The following IARS2 variants were observed in gnomAD, a reference collection of about 807,000 sequenced individuals.
The protein encoded by IARS2 is isoleucyl-tRNA synthetase 2, mitochondrial.
Under a neutral mutation model 126.3 loss-of-function variants are expected in IARS2, and 56 were observed. That is an observed-to-expected ratio of 0.44 (90% CI 0.36 to 0.55). The LOEUF (loss-of-function observed/expected upper bound fraction) is 0.55, where lower values mean the gene tolerates loss of function less well. Ranked by LOEUF, IARS2 falls within the 20% of genes least tolerant of loss-of-function variation. IARS2 has a pLI of 0.00. For missense variants in IARS2, 1,127 were observed against 1,245.9 expected (o/e 0.90, Z 1.44); for synonymous variants, 407 against 441.1 (o/e 0.92, Z 0.97).
intron 19 of IARS2, among the ~76,000 whole-genome samples, chr1:220,141,553 A>G (rs1361530159): frequency 6.6e-6 from 1 of 152,246 alleles, no homozygotes; most frequent in Non-Finnish European, 1.5e-5. Context: ...CCTTTAATAC[A>G]GTAGTCTAGA....
intron 20 of IARS2, 102 bp downstream of exon 20, chr1:220,142,050 G>A: frequency 9.3e-7 from 1 of 1,077,036 alleles, no homozygotes; most frequent in Non-Finnish European, 1.4e-6. Context: ...TCCATTTACA[G>A]TGACTGCTGT....
intron 14 of IARS2, among the ~76,000 whole-genome samples, chr1:220,128,712 T>G (rs190212928): frequency 6.6e-5 from 10 of 152,312 alleles, no homozygotes; most frequent in African/African-American, 2.4e-4. Flanking sequence ...ATAGTGTATT[T>G]CAAAGTGTAT....
intron 12 of IARS2, among the ~76,000 whole-genome samples, chr1:220,116,602 A>G (rs1360952287): frequency 2.6e-5 from 4 of 152,102 alleles, no homozygotes; most frequent in Admixed American, 2.0e-4. Context: ...AGCTATTTCA[A>G]TATTATTATA....
At chr1:220,118,009 T>C (rs1656962978) in intron 12 of IARS2, 1 of 437,304 alleles carries the variant, frequency 2.3e-6, no homozygotes, top group Non-Finnish European at 4.6e-6. Context: ...GTTACAAAAC[T>C]TGAATTTAAG....
At chr1:220,125,877 C>A (rs543815631) in intron 13 of IARS2, among the ~76,000 whole-genome samples, 1 of 151,728 alleles carries the variant, frequency 6.6e-6, no homozygotes, top group African/African-American at 2.4e-5. Flanking sequence ...GAGGCCGAGG[C>A]GGGCAGATCA....
intron 11 of IARS2, 36 bp downstream of exon 11, chr1:220,110,973 A>G (rs750974051): frequency 6.2e-7 from 1 of 1,601,732 alleles, no homozygotes; most frequent in South Asian, 1.1e-5. Context: ...GGTCGGGCAT[A>G]TCATTCCCTC....
At chr1:220,112,555 CTTTTTTTTTTTT>C (rs750583631) in intron 11 of IARS2, among the ~76,000 whole-genome samples, 3 of 116,110 alleles carry the variant, frequency 2.6e-5, no homozygotes, top group South Asian at 5.6e-4. Context: ...AAGATAAGCT[CTTTTTTTTTTTT>C]TTTTTTTTTG....
chr1:220,105,889 A>C lies in IARS2; in HGVS notation c.1067-2A>C. 1 of 1,613,420 alleles carries C rather than the reference A, an allele frequency of 6.2e-7. No individual in the cohort carries two copies. Among genetic ancestry groups the C allele is most frequent in the Non-Finnish European group, 8.5e-7 (1 of 1,179,364 alleles). On this transcript the variant is annotated splice_acceptor_variant, in intron 8 of 22. Coordinates refer to ENST00000366922, the MANE Select transcript of IARS2 (RefSeq NM_018060.4). LOFTEE classifies it high-confidence loss of function. ...CTTAATAGTGGTTTTCTTTCCCCAC[A>C]GGTGTAGATTTGGAAAATGGTACTT...
At chr1:220,121,932 G>T (rs539497489) in intron 12 of IARS2, among the ~76,000 whole-genome samples, 11 of 152,006 alleles carry the variant, frequency 7.2e-5, no homozygotes, top group Non-Finnish European at 1.5e-4. Flanking sequence ...ATCTCTAGAG[G>T]GGGGGAAAGA....
intron 12 of IARS2, among the ~76,000 whole-genome samples, chr1:220,116,481 A>T (rs772912990): frequency 7.2e-5 from 11 of 151,990 alleles, no homozygotes; most frequent in East Asian, 1.9e-4. Flanking sequence ...GGTGAATGGA[A>T]TTTTTTCTAA....
chr1:220,128,165 G>A (rs1657190390), intron 14 of IARS2, among the ~76,000 whole-genome samples: 1 of 151,418 alleles, frequency 6.6e-6, no homozygotes, highest in African/African-American at 2.4e-5. Flanking sequence ...ATATAGAAAG[G>A]GAGGGCCGAC....
In IARS2 at chr1:220,094,488, G is replaced by C. The variant is rs117860947; in HGVS notation, c.267+5G>C. On this transcript the variant is annotated splice_donor_5th_base_variant and intron_variant, in intron 1 of 22. Coordinates refer to ENST00000366922, the MANE Select transcript of IARS2 (RefSeq NM_018060.4). Reference sequence around the variant, plus strand: ...ACGGAGCTGGAGATCCAGCAGGTACGGGCCCCGCCTCGGCGCGGGGCCTCC... The same window carrying C: ...ACGGAGCTGGAGATCCAGCAGGTACCGGCCCCGCCTCGGCGCGGGGCCTCC... The C allele has an allele frequency of 2.3e-4, 363 of 1,589,734 alleles. 2 individuals carry two copies. In the East Asian group the frequency reaches 6.9e-3, roughly 30 times the overall value.
intron 14 of IARS2, among the ~76,000 whole-genome samples, chr1:220,129,432 C>T (rs1373224316): frequency 6.6e-6 from 1 of 152,092 alleles, no homozygotes; most frequent in Non-Finnish European, 1.5e-5. Context: ...ATTTACCCTA[C>T]TGTATTAAAC....
At chr1:220,127,991 C>T (rs1657187517) in intron 14 of IARS2, among the ~76,000 whole-genome samples, 1 of 152,118 alleles carries the variant, frequency 6.6e-6, no homozygotes. Context: ...TATATAATGA[C>T]ACTCCAGTCA....
rs1248590553 is a variant in IARS2 at position 220,100,708 on chromosome 1, TAGTC to T, written c.550+62_550+65del. On this transcript the variant is annotated intron_variant, in intron 3 of 22. Coordinates refer to ENST00000366922, the MANE Select transcript of IARS2 (RefSeq NM_018060.4). ...TTTGTAAACACTCAGGTCCTTGAAA[TAGTC>T]AGAACTTTACCAAAGGAACCTTTTG... 1.0e-5 allele frequency: 14 copies of T among 1,341,370 alleles called. No homozygotes were observed. In the East Asian group the frequency reaches 2.7e-4, roughly 26 times the overall value. The allele number at this position is 1,341,370 out of a possible 1,614,324, so 83.1% of individuals were successfully genotyped here. A position where few individuals can be genotyped will look rare whatever the true frequency, so the allele number is the denominator to read the frequency against.
intron 2 of IARS2, 45 bp from the exon 3 acceptor site, chr1:220,100,445 C>T: frequency 6.9e-7 from 1 of 1,439,642 alleles, no homozygotes. Flanking sequence ...AATACATGGC[C>T]AAATATTTTA....
chr1:220,136,758 A>AAG, intron 15 of IARS2, 51 bp from the exon 16 acceptor site: 1 of 978,012 alleles, frequency 1.0e-6, no homozygotes, highest in South Asian at 1.6e-5. Context: ...AATCTTCAAA[A>AAG]AGATAATTAT....
intron 12 of IARS2, among the ~76,000 whole-genome samples, chr1:220,116,829 C>T (rs1380143870): frequency 6.6e-6 from 1 of 152,094 alleles, no homozygotes; most frequent in Non-Finnish European, 1.5e-5. Flanking sequence ...TCACTACAAC[C>T]TCCACCTCCC....
intron 12 of IARS2, among the ~76,000 whole-genome samples, chr1:220,114,749 A>G (rs767912182): frequency 7.9e-5 from 12 of 152,196 alleles, no homozygotes; most frequent in Admixed American, 1.3e-4. Context: ...ATGGATCCAA[A>G]GATGGACAGT....
Sources: gnomAD v4.1 joint callset for allele counts (sites outside exome capture counted in the v4.1 genomes callset) on GRCh38, gnomAD v4.1.1 for gene constraint, MANE v1.5 for transcripts, NCBI Gene and HGNC (gene_info 2026-07-23, HGNC 2026-07-21) for gene names.